MAEA: variants seen among roughly 807,000 people sequenced by gnomAD.
The protein encoded by MAEA is macrophage erythroblast attacher, E3 ubiquitin ligase.
In MAEA, 22 loss-of-function variants were observed where a neutral mutation model predicts 46.2. The observed-to-expected ratio is 0.48, with a 90% CI of 0.34 to 0.68. The LOEUF is 0.68. Ranked by LOEUF, MAEA falls within the 30% of genes least tolerant of loss-of-function variation. The pLI, the probability that MAEA is intolerant of heterozygous loss-of-function variation, is 0.01. For missense variants in MAEA, 393 were observed against 558.1 expected, an observed-to-expected ratio of 0.70 and a Z score of 2.98; for synonymous variants, 246 against 222.6, an observed-to-expected ratio of 1.11 and a Z score of -0.94.
At chr4:1,294,538 C>T (rs377033305) in intron 1 of MAEA, among the ~76,000 whole-genome samples, 4 of 149,572 alleles carry the variant, frequency 2.7e-5, no homozygotes, top group East Asian at 2.3e-4. Flanking sequence ...AAGGCACCGC[C>T]GCCGGGCTGC....
Position 1,339,236 on chromosome 4 carries a change from C to G in MAEA, c.*67C>G. 8.8e-7 allele frequency: 1 copy of G among 1,142,688 alleles called. No homozygotes were observed. Among genetic ancestry groups the G allele is most frequent in the Non-Finnish European group, 1.3e-6 (1 of 753,346 alleles). The allele number at this position is 1,142,688 out of a possible 1,614,324, so 70.8% of individuals were successfully genotyped here. A position where few individuals can be genotyped will look rare whatever the true frequency, so the allele number is the denominator to read the frequency against. The stretch of plus-strand genomic sequence containing the variant: ...TGGGCGGGGAGGCCACGCCTTCCTC[C>G]TGTCCCACGCTCCAGCCTGCCGCGG... On this transcript the variant is annotated 3_prime_UTR_variant, in exon 9 of 9. Transcript: ENST00000303400.
intron 1 of MAEA, among the ~76,000 whole-genome samples, chr4:1,301,787 T>C (rs1735344370): frequency 6.6e-6 from 1 of 152,236 alleles, no homozygotes; most frequent in Admixed American, 6.5e-5. Flanking sequence ...AAAAAAGTGT[T>C]AGGTTGAATC....
chr4:1,329,068 C>T, intron 5 of MAEA: 2 of 985,788 alleles, frequency 2.0e-6, no homozygotes, highest in Non-Finnish European at 2.4e-6. Context: ...GAGTCAGCCT[C>T]CGTCTCCTTG....
chr4:1,320,738 AAAG>A (rs753407963), intron 3 of MAEA, among the ~76,000 whole-genome samples: 3 of 152,258 alleles, frequency 2.0e-5, no homozygotes, highest in Non-Finnish European at 4.4e-5. Context: ...GGGCTTCAGA[AAAG>A]AAATCATCAA....
intron 6 of MAEA, chr4:1,334,916 G>T: frequency 1.0e-6 from 1 of 985,364 alleles, no homozygotes; most frequent in Non-Finnish European, 1.2e-6. Context: ...ATTTAAAACA[G>T]CCTTTAAAAA....
At chr4:1,305,540 T>TA (rs1475243686) in intron 1 of MAEA, among the ~76,000 whole-genome samples, 3 of 152,178 alleles carry the variant, frequency 2.0e-5, no homozygotes, top group Non-Finnish European at 4.4e-5. Context: ...AGTCATCTGG[T>TA]AGGTGTCTTT....
At position 1,311,185 on chromosome 4, in the gene MAEA, G is replaced by A. The variant is rs966076785; in HGVS notation, c.70-794G>A. ...GGCAGCACGGCCGTGTTGCTGATGC[G>A]CTGTGTGGTGAGCTGCCGGCCACCA... On this transcript the variant is annotated intron_variant, in intron 1 of 8. Coordinates refer to ENST00000303400, the MANE Select transcript of MAEA (RefSeq NM_001017405.3). The surrounding 1 kb of genome is among the most constrained non-coding windows in gnomAD (Gnocchi z 4.4). Among the ~76,000 whole-genome samples, 150 of 152,354 alleles carry A rather than the reference G, an allele frequency of 9.8e-4. No homozygotes were observed. Among genetic ancestry groups the A allele is most frequent in the African/African-American group, 3.5e-3 (145 of 41,574 alleles).
Position 1,295,208 on chromosome 4 carries a change from G to A in MAEA, c.69+5226G>A, listed in dbSNP as rs907704756. The stretch of plus-strand genomic sequence containing the variant: ...CCCCACCCTCTGGGGGCTTCAGGCC[G>A]AGTGGGGATGTCTGGGTGCTGACCC... On this transcript the variant is annotated intron_variant, in intron 1 of 8. Transcript: ENST00000303400. 5.3e-5 allele frequency among the ~76,000 whole-genome samples: 8 copies of A among 152,118 alleles called. No individual in the cohort carries two copies. In the South Asian group the frequency reaches 6.2e-4, roughly 12 times the overall value.
At position 1,309,162 on chromosome 4, in the gene MAEA, C is replaced by T. The variant is rs144321953; in HGVS notation, c.70-2817C>T. Among the ~76,000 whole-genome samples, 257 of 152,312 alleles carry T rather than the reference C, an allele frequency of 1.7e-3. 4 individuals carry two copies. Among genetic ancestry groups the T allele is most frequent in the African/African-American group, 5.8e-3 (241 of 41,554 alleles). On this transcript the variant is annotated intron_variant, in intron 1 of 8. Coordinates refer to ENST00000303400, the MANE Select transcript of MAEA (RefSeq NM_001017405.3). Reference sequence around the variant, plus strand: ...TGTGTTTGATCACTAAGCAATATTTCTGAGTAGTTTTTCTGCCAGGAAGGT... The same window carrying T: ...TGTGTTTGATCACTAAGCAATATTTTTGAGTAGTTTTTCTGCCAGGAAGGT...
At chr4:1,312,952 A>G (rs913956811) in intron 2 of MAEA, among the ~76,000 whole-genome samples, 43 of 152,342 alleles carry the variant, frequency 2.8e-4, no homozygotes, top group Admixed American at 1.4e-3. Flanking sequence ...GTGAGCAGCA[A>G]GAGACTGCTG....
chr4:1,304,607 A>C (rs4974592), intron 1 of MAEA, among the ~76,000 whole-genome samples: 10,984 of 151,532 alleles, frequency 0.072, 1,063 homozygotes, highest in East Asian at 0.42. Flanking sequence ...CGCCTGGCTA[A>C]TTTTTTTGTA....
intron 5 of MAEA, chr4:1,329,170 G>A: frequency 1.0e-6 from 1 of 985,810 alleles, no homozygotes; most frequent in Non-Finnish European, 1.2e-6. Flanking sequence ...CTAGGTGGCA[G>A]CTGGTTCCGC....
intron 1 of MAEA, among the ~76,000 whole-genome samples, chr4:1,302,322 G>T (rs1201335913): frequency 2.0e-5 from 3 of 152,174 alleles, no homozygotes; most frequent in Non-Finnish European, 4.4e-5. Flanking sequence ...TGCTGTTTAA[G>T]TTGCCCAGTC....
intron 1 of MAEA, among the ~76,000 whole-genome samples, chr4:1,301,101 CAAAG>C (rs1247743630): frequency 1.3e-5 from 2 of 152,214 alleles, no homozygotes; most frequent in Middle Eastern, 3.2e-3. Flanking sequence ...TTGCAAAAGA[CAAAG>C]AGCCTCATGC....
At chr4:1,304,653 A>T (rs1466681775) in intron 1 of MAEA, among the ~76,000 whole-genome samples, 1 of 151,978 alleles carries the variant, frequency 6.6e-6, no homozygotes, top group Non-Finnish European at 1.5e-5. Context: ...GTTGGCCAGG[A>T]TGGTCTCCAT....
intron 1 of MAEA, among the ~76,000 whole-genome samples, chr4:1,305,681 G>A (rs1195685475): frequency 6.6e-6 from 1 of 152,172 alleles, no homozygotes; most frequent in Non-Finnish European, 1.5e-5. Context: ...TGGGTGCCGG[G>A]GTTCTCCAGA....
chr4:1,312,224 T>C, intron 2 of MAEA, 63 bp downstream of exon 2: 1 of 1,592,518 alleles, frequency 6.3e-7, no homozygotes, highest in Non-Finnish European at 8.6e-7. Flanking sequence ...GTCTCGAAAA[T>C]GAGTCCTAAG....
chr4:1,292,886 C>CTTTTTT (rs34802084), intron 1 of MAEA, among the ~76,000 whole-genome samples: 11 of 128,356 alleles, frequency 8.6e-5, no homozygotes, highest in African/African-American at 1.2e-4. Context: ...AACTCACCAT[C>CTTTTTT]TTTTTTTTTT....
At chr4:1,308,945 AT>A (rs1421526478) in intron 1 of MAEA, among the ~76,000 whole-genome samples, 1 of 152,094 alleles carries the variant, frequency 6.6e-6, no homozygotes, top group Non-Finnish European at 1.5e-5. Flanking sequence ...TTAGGAATCT[AT>A]TTTTAATGCT....
Sources: gnomAD v4.1 joint callset for allele counts (sites outside exome capture counted in the v4.1 genomes callset) on GRCh38, gnomAD v4.1.1 for gene constraint, Gnocchi (gnomAD v3.1) non-coding constraint, MANE v1.5 for transcripts, NCBI Gene and HGNC (gene_info 2026-07-23, HGNC 2026-07-21) for gene names.